The following PALLD variants were observed in gnomAD, a reference collection of about 807,000 sequenced individuals.
PALLD encodes the protein palladin, cytoskeletal associated protein, also known as palladin.
PALLD carries 61 observed loss-of-function variants against 123.5 expected under a neutral mutation model. The observed-to-expected ratio is 0.49, with a 90% CI of 0.40 to 0.61. PALLD has a LOEUF of 0.61. Ranked by LOEUF, PALLD falls within the 20% of genes least tolerant of loss-of-function variation. The pLI, the probability that PALLD is intolerant of heterozygous loss-of-function variation, is 0.00. For missense variants in PALLD, 1,273 were observed against 1,377.0 expected, an observed-to-expected ratio of 0.92 and a Z score of 1.20; for synonymous variants, 465 against 496.4, an observed-to-expected ratio of 0.94 and a Z score of 0.84.
intron 15 of PALLD, among the ~76,000 whole-genome samples, chr4:168,909,987 C>T (rs756758342): frequency 6.6e-5 from 10 of 152,128 alleles, no homozygotes; most frequent in Non-Finnish European, 1.3e-4. Flanking sequence ...ATAAATCAAA[C>T]TAATAATTCT....
At chr4:168,837,057 T>A (rs1745304056) in intron 10 of PALLD, among the ~76,000 whole-genome samples, 1 of 152,092 alleles carries the variant, frequency 6.6e-6, no homozygotes, top group Non-Finnish European at 1.5e-5. Context: ...AAAATAAAGG[T>A]ACACAGAGAT....
intron 10 of PALLD, among the ~76,000 whole-genome samples, chr4:168,746,447 C>T (rs969583229): frequency 7.0e-6 from 1 of 142,262 alleles, no homozygotes. Flanking sequence ...GGTAGTAACA[C>T]CTGAGACAGA....
intron 10 of PALLD, among the ~76,000 whole-genome samples, chr4:168,786,786 A>G (rs1321130622): frequency 1.3e-5 from 2 of 152,252 alleles, no homozygotes; most frequent in Admixed American, 1.3e-4. Flanking sequence ...ACTGTCAGCA[A>G]CAAAGAAAAA....
intron 10 of PALLD, among the ~76,000 whole-genome samples, chr4:168,866,380 A>C: frequency 6.9e-6 from 1 of 145,758 alleles, no homozygotes; most frequent in South Asian, 2.1e-4. Context: ...TGTTCAAAAA[A>C]GAGAGTGAAG....
intron 11 of PALLD, chr4:168,894,319 CT>C (rs761917323): frequency 1.3e-4 from 66 of 489,938 alleles, no homozygotes; most frequent in Non-Finnish European, 2.1e-4. Flanking sequence ...TGTGTGGTTT[CT>C]TCCTTGTCGC....
rs587780201 is a variant in PALLD, at chr4:168,924,984, T to G, written c.3264T>G (p.Ile1088Met). Residue 1088 changes from isoleucine to methionine, a missense_variant, in exon 20 of 22, where the codon ATT becomes ATG. Around this residue, in one of 2 missense-constraint regions of PALLD, gnomAD observed 329 missense variants for 422.5 expected, o/e 0.78. Transcript: ENST00000505667. The part of the protein sequence containing the change: ...QDNHGYICLL[I>M]QGATKEDAGW... ...ACCACGGCTACATCTGCCTGCTCATTCAGGGAGCCACAAAAGAAGATGCTG... is the reference window on the plus strand; with the variant it reads ...ACCACGGCTACATCTGCCTGCTCATGCAGGGAGCCACAAAAGAAGATGCTG... The G allele has an allele frequency of 3.7e-6, 6 of 1,614,128 alleles. No individual in the cohort carries two copies. Among genetic ancestry groups the G allele is most frequent in the Non-Finnish European group, 5.1e-6 (6 of 1,179,984 alleles).
At chr4:168,757,972 G>A (rs1321538581) in intron 10 of PALLD, among the ~76,000 whole-genome samples, 1 of 152,212 alleles carries the variant, frequency 6.6e-6, no homozygotes, top group Admixed American at 6.5e-5. Flanking sequence ...CTGGGAGGCT[G>A]AGGCAGGAGA....
At chr4:168,652,823 A>G (rs1778184524) in intron 2 of PALLD, among the ~76,000 whole-genome samples, 1 of 152,194 alleles carries the variant, frequency 6.6e-6, no homozygotes, top group South Asian at 2.1e-4. Context: ...TGTCCCCAAT[A>G]AACCATCCTA....
chr4:168,727,957 G>A (rs1211967854), intron 10 of PALLD, among the ~76,000 whole-genome samples: 1 of 152,086 alleles, frequency 6.6e-6, no homozygotes, highest in Non-Finnish European at 1.5e-5. Flanking sequence ...ACCATTTATT[G>A]AATAGGGAGT....
At chr4:168,559,877 C>T (rs77212006) in intron 2 of PALLD, among the ~76,000 whole-genome samples, 2,588 of 149,298 alleles carry the variant, frequency 0.017, 64 homozygotes, top group African/African-American at 0.06. Flanking sequence ...AGAGTGAAAC[C>T]GGGTCTCAAA....
At chr4:168,528,886 A>C (rs1432536588) in intron 2 of PALLD, among the ~76,000 whole-genome samples, 1 of 152,146 alleles carries the variant, frequency 6.6e-6, no homozygotes, top group Non-Finnish European at 1.5e-5. Context: ...GAATGAGTAA[A>C]CTCTAATGAG....
At chr4:168,595,434 T>C (rs1771883057) in intron 2 of PALLD, among the ~76,000 whole-genome samples, 1 of 152,176 alleles carries the variant, frequency 6.6e-6, no homozygotes, top group South Asian at 2.1e-4. Flanking sequence ...TTTCTTGTAC[T>C]AGTTCACATC....
intron 2 of PALLD, chr4:168,631,623 G>A (rs1775818426): frequency 4.1e-6 from 4 of 985,566 alleles, no homozygotes; most frequent in East Asian, 1.1e-4. Flanking sequence ...GCGCATTCGC[G>A]CGCTGGAGAC....
intron 1 of PALLD, among the ~76,000 whole-genome samples, chr4:168,503,108 C>CAGAG (rs33920852): frequency 2.4e-4 from 3 of 12,274 alleles, no homozygotes; most frequent in East Asian, 3.5e-3. Context: ...TGCTGTAACC[C>CAGAG]AGTGTGCTAA....
intron 2 of PALLD, among the ~76,000 whole-genome samples, chr4:168,619,206 G>C (rs973056861): frequency 5.3e-5 from 8 of 152,192 alleles, no homozygotes; most frequent in Non-Finnish European, 8.8e-5. Flanking sequence ...TAAGGCTGAA[G>C]GAAGAGTTTC....
intron 2 of PALLD, among the ~76,000 whole-genome samples, chr4:168,613,865 A>G (rs1487166567): frequency 1.3e-5 from 2 of 152,212 alleles, no homozygotes; most frequent in Admixed American, 1.3e-4. Flanking sequence ...GTGGTGCCAC[A>G]TAAATAATAC....
rs139434937 is a variant in PALLD at position 168,512,060 on chromosome 4, G to A, written c.556G>A (p.Ala186Thr). 177 of 1,614,074 alleles carry A rather than the reference G, an allele frequency of 1.1e-4. 1 individual carries two copies. The highest frequency in any genetic ancestry group is 8.9e-4 in the South Asian group (81 of 91,084). ...IEELTSIFKAAKPRNRSPNGE... is the reference protein window; with the variant it reads ...IEELTSIFKATKPRNRSPNGE... ...GGAGCTAACATCCATATTTAAAGCC[G>A]CAAAGCCAAGAAACAGAAGCCCAAA... The change falls in exon 2 of 22, where the codon GCA becomes ACA. Residue 186 changes from alanine to threonine, a missense_variant. Physicochemically the swap from Ala to Thr is moderately conservative, Grantham distance 58 (BLOSUM62 0). This residue lies in a region of PALLD where 944 missense variants were observed against 954.5 expected (regional missense o/e 0.99). Transcript: ENST00000505667.
intron 10 of PALLD, among the ~76,000 whole-genome samples, chr4:168,778,500 C>T (rs539862572): frequency 2.0e-5 from 3 of 152,172 alleles, no homozygotes; most frequent in South Asian, 2.1e-4. Context: ...TACTATGGCG[C>T]GTAACTGTGA....
chr4:168,917,299 C>T (rs1457616795), intron 17 of PALLD, among the ~76,000 whole-genome samples: 2 of 152,082 alleles, frequency 1.3e-5, no homozygotes, highest in African/African-American at 2.4e-5. Context: ...CCGCCCTCCT[C>T]GGCCTTCCAA....
Sources: gnomAD v4.1 joint callset for allele counts (sites outside exome capture counted in the v4.1 genomes callset) on GRCh38, gnomAD v4.1.1 for gene constraint, gnomAD v4.1.1 regional missense constraint, MANE v1.5 for transcripts, NCBI Gene and HGNC (gene_info 2026-07-23, HGNC 2026-07-21) for gene names.